RAP1GAP2: variants seen among roughly 807,000 people sequenced by gnomAD.
The protein encoded by RAP1GAP2 is RAP1 GTPase activating protein 2.
Under a neutral mutation model 95.0 loss-of-function variants are expected in RAP1GAP2, and 27 were observed. The ratio of observed to expected loss-of-function variants is 0.28; its 90% confidence interval spans 0.21 to 0.39. RAP1GAP2 has a LOEUF of 0.39. Ranked by LOEUF, RAP1GAP2 falls within the 10% of genes least tolerant of loss-of-function variation. The pLI, the probability that RAP1GAP2 is intolerant of heterozygous loss-of-function variation, is 1.00. For synonymous variants in RAP1GAP2, 373 were observed against 380.9 expected (o/e 0.98, Z 0.24); for missense variants, 771 against 970.0 (o/e 0.79, Z 2.72).
At chr17:2,981,085 C>T in intron 9 of RAP1GAP2, 110 bp from the exon 10 acceptor site, 1 of 988,794 alleles carries the variant, frequency 1.0e-6, no homozygotes, top group Non-Finnish European at 1.5e-6. Context: ...GCCCAGGCCT[C>T]CTGACCCATG....
chr17:2,982,074 C>T (rs1415696138), intron 10 of RAP1GAP2, among the ~76,000 whole-genome samples: 2 of 152,146 alleles, frequency 1.3e-5, no homozygotes, highest in African/African-American at 2.4e-5. Flanking sequence ...AACCAGGACC[C>T]GTGAGATGAA....
At chr17:2,930,472 C>T (rs773437731) in intron 3 of RAP1GAP2, among the ~76,000 whole-genome samples, 3 of 152,190 alleles carry the variant, frequency 2.0e-5, no homozygotes, top group Admixed American at 2.0e-4. Flanking sequence ...CTTCCTCACT[C>T]GGAATGGAGG....
In RAP1GAP2 at chr17:2,904,530, CTGTGTGTGTGTGTGTG is replaced by C. The variant is rs5818880; in HGVS notation, c.81-730_81-715del. ...CCGAGGACAGCTTTTTGACCAGGGC[CTGTGTGTGTGTGTGTG>C]TGTGTGTGTGTGTGTGTGTGTGTAC... On this transcript the variant is annotated intron_variant, in intron 2 of 24. Coordinates refer to ENST00000254695, the MANE Select transcript of RAP1GAP2 (RefSeq NM_015085.5). This position sits in a 1 kb window ranked among gnomAD's most constrained non-coding sequence, Gnocchi z 4.7. 7.7e-6 allele frequency among the ~76,000 whole-genome samples: 1 copy of C among 129,080 alleles called. No individual in the cohort carries two copies. The highest frequency in any genetic ancestry group is 2.9e-5 in the African/African-American group (1 of 35,024). 84.7% of individuals were successfully genotyped at this position (129,080 alleles called of 152,430 possible).
chr17:2,900,386 G>T (rs1404221025), intron 2 of RAP1GAP2, among the ~76,000 whole-genome samples: 1 of 151,938 alleles, frequency 6.6e-6, no homozygotes, highest in Non-Finnish European at 1.5e-5. Flanking sequence ...CATCATCATG[G>T]TCTACATTGA....
At chr17:2,881,209 C>T (rs1455265880) in intron 2 of RAP1GAP2, among the ~76,000 whole-genome samples, 6 of 150,988 alleles carry the variant, frequency 4.0e-5, no homozygotes, top group African/African-American at 9.7e-5. Flanking sequence ...TGGAGTGAGC[C>T]GAGATCGTGC....
intron 19 of RAP1GAP2, among the ~76,000 whole-genome samples, chr17:3,023,556 G>A (rs1353579997): frequency 6.6e-6 from 1 of 152,214 alleles, no homozygotes; most frequent in Non-Finnish European, 1.5e-5. Context: ...TGGAACCTGT[G>A]CATGGGAGTT....
rs1435966385 is a variant in RAP1GAP2 at position 3,036,850 on chromosome 17, T to G, written c.*3489T>G. ...CGCTTTCCTCCCTGACCCTGCCAGG[T>G]GCCAACTCAAACACTACCTTTCTCA... On this transcript the variant is annotated 3_prime_UTR_variant, in exon 25 of 25. Transcript: ENST00000254695. 1 of 152,636 alleles carries G rather than the reference T, an allele frequency of 6.6e-6. No individual in the cohort carries two copies. The highest frequency in any genetic ancestry group is 1.5e-5 in the Non-Finnish European group (1 of 68,052). 9.5% of individuals were successfully genotyped at this position (152,636 alleles called of 1,614,324 possible).
At chr17:2,884,339 G>A (rs982779365) in intron 2 of RAP1GAP2, among the ~76,000 whole-genome samples, 4 of 151,262 alleles carry the variant, frequency 2.6e-5, no homozygotes, top group African/African-American at 9.7e-5. Flanking sequence ...GAGACGGGTC[G>A]GACACAGCTC....
chr17:2,979,006 TAA>T (rs71377563), intron 8 of RAP1GAP2, among the ~76,000 whole-genome samples: 2 of 151,216 alleles, frequency 1.3e-5, no homozygotes, highest in East Asian at 3.9e-4. Context: ...ATAAAAAAAA[TAA>T]AAAAATTCAG....
At chr17:2,975,771 G>A (rs796868745) in intron 8 of RAP1GAP2, among the ~76,000 whole-genome samples, 13 of 152,368 alleles carry the variant, frequency 8.5e-5, no homozygotes, top group African/African-American at 3.1e-4. Flanking sequence ...CCTGTGACTG[G>A]GTGGGTAAGT....
intron 3 of RAP1GAP2, among the ~76,000 whole-genome samples, chr17:2,914,911 TC>T (rs1302622343): frequency 7.3e-6 from 1 of 137,214 alleles, no homozygotes; most frequent in Admixed American, 7.3e-5. Context: ...CCTGCCTCAG[TC>T]CCCCGAGTAG....
At chr17:2,809,501 C>T (rs1393394703) in intron 2 of RAP1GAP2, among the ~76,000 whole-genome samples, 2 of 152,118 alleles carry the variant, frequency 1.3e-5, no homozygotes, top group Non-Finnish European at 1.5e-5. Flanking sequence ...CAACCATCCC[C>T]GGAGGCCCCC....
chr17:2,783,797 G>A (rs139265452), intron 1 of RAP1GAP2, among the ~76,000 whole-genome samples: 13 of 152,272 alleles, frequency 8.5e-5, no homozygotes, highest in East Asian at 5.8e-4. Flanking sequence ...AGGCTTAGTC[G>A]CTCACACGTC....
intron 24 of RAP1GAP2, among the ~76,000 whole-genome samples, chr17:3,032,742 G>A (rs938343389): frequency 2.6e-5 from 4 of 152,130 alleles, no homozygotes; most frequent in African/African-American, 7.2e-5. Context: ...GCCCAAGCCC[G>A]CTTCTGACCC....
At chr17:2,841,835 G>A (rs1448599108) in intron 2 of RAP1GAP2, among the ~76,000 whole-genome samples, 9 of 152,164 alleles carry the variant, frequency 5.9e-5, no homozygotes, top group African/African-American at 1.7e-4. Flanking sequence ...CCCCAGGGAC[G>A]GGTGTGATGA....
At chr17:2,933,208 T>G (rs1159549080) in intron 3 of RAP1GAP2, among the ~76,000 whole-genome samples, 1 of 151,920 alleles carries the variant, frequency 6.6e-6, no homozygotes. Context: ...GAGAGGAACA[T>G]TGTTGGGGAG....
intron 2 of RAP1GAP2, among the ~76,000 whole-genome samples, chr17:2,809,844 G>T (rs912412173): frequency 6.6e-6 from 1 of 152,186 alleles, no homozygotes; most frequent in Non-Finnish European, 1.5e-5. Context: ...GCTCTTGATG[G>T]ACAGGGGCCC....
At chr17:2,948,913 C>T (rs977232674) in intron 3 of RAP1GAP2, among the ~76,000 whole-genome samples, 2 of 152,188 alleles carry the variant, frequency 1.3e-5, no homozygotes, top group African/African-American at 4.8e-5. Flanking sequence ...GGCTGGCACC[C>T]GAACCGGCAA....
At chr17:2,976,479 A>G (rs1225685789) in intron 8 of RAP1GAP2, among the ~76,000 whole-genome samples, 1 of 152,214 alleles carries the variant, frequency 6.6e-6, no homozygotes, top group East Asian at 1.9e-4. Context: ...GGAAATCACA[A>G]AAGAACTGAC....
Sources: allele counts gnomAD v4.1 joint callset (sites outside exome capture counted in the v4.1 genomes callset), GRCh38; gene constraint gnomAD v4.1.1; non-coding constraint Gnocchi (gnomAD v3.1); transcripts MANE v1.5; gene names NCBI Gene and HGNC (gene_info 2026-07-23, HGNC 2026-07-21).